SEPTIN2: variants seen among roughly 807,000 people sequenced by gnomAD.
The protein encoded by SEPTIN2 is septin-2.
In SEPTIN2, 34 loss-of-function variants were observed where a neutral mutation model predicts 46.5. The observed-to-expected ratio is 0.73, with a 90% confidence interval of 0.56 to 0.97. The LOEUF (loss-of-function observed/expected upper bound fraction) is 0.97. Among genes scored for constraint, SEPTIN2 ranks in the 50% least tolerant of loss-of-function variants. The probability of loss-of-function intolerance (pLI) is 0.00; values close to 1 mark genes in which losing one functional copy is unlikely to be tolerated. For synonymous variants in SEPTIN2, 175 were observed against 153.4 expected, an observed-to-expected ratio of 1.14 and a Z score of -1.04; for missense variants, 347 against 448.4, an observed-to-expected ratio of 0.77 and a Z score of 2.04.
chr2:241,329,698 G>A (rs1441297924), intron 3 of SEPTIN2, among the ~76,000 whole-genome samples: 8 of 152,208 alleles, frequency 5.3e-5, no homozygotes, highest in African/African-American at 1.2e-4. Context: ...AACCTGATGC[G>A]TCTACCTTAC....
intron 3 of SEPTIN2, among the ~76,000 whole-genome samples, chr2:241,333,218 C>T (rs1228923941): frequency 6.6e-6 from 1 of 151,994 alleles, no homozygotes; most frequent in African/African-American, 2.4e-5. Flanking sequence ...GTATTAATAG[C>T]TCAAGAAAAA....
intron 3 of SEPTIN2, among the ~76,000 whole-genome samples, chr2:241,329,697 C>T (rs1476934520): frequency 3.9e-5 from 6 of 152,208 alleles, no homozygotes; most frequent in Admixed American, 2.0e-4. Flanking sequence ...TAACCTGATG[C>T]GTCTACCTTA....
chr2:241,326,744 C>T (rs927311905), intron 3 of SEPTIN2, among the ~76,000 whole-genome samples: 2 of 152,220 alleles, frequency 1.3e-5, no homozygotes, highest in African/African-American at 4.8e-5. Context: ...GGGAAGCCCA[C>T]CAAGTAAGGA....
chr2:241,316,463 G>A, intron 1 of SEPTIN2: 1 of 1,486,294 alleles, frequency 6.7e-7, no homozygotes, highest in South Asian at 1.3e-5. Flanking sequence ...AAGCCCATCG[G>A]CTGGATGCCG....
chr2:241,353,984 AAACT>A lies in SEPTIN2; in HGVS notation c.*2051_*2054del, dbSNP rs764352607. The stretch of plus-strand genomic sequence containing the variant: ...TTACACAGCAATTTTGTATCCATTT[AAACT>A]AACCTTTTATCAATAAAGCACTATT... On this transcript the variant is annotated 3_prime_UTR_variant, in exon 13 of 13. Coordinates refer to ENST00000391971, the MANE Select transcript of SEPTIN2 (RefSeq NM_004404.5). 23 of 152,424 alleles carry A rather than the reference AAACT, an allele frequency of 1.5e-4. No homozygotes were observed. The highest frequency in any genetic ancestry group is 3.4e-3 in the Middle Eastern group (1 of 294). 9.4% of individuals were successfully genotyped at this position (152,424 alleles called of 1,614,324 possible).
intron 1 of SEPTIN2, among the ~76,000 whole-genome samples, chr2:241,323,898 A>T (rs2077523439): frequency 6.6e-6 from 1 of 152,250 alleles, no homozygotes; most frequent in Non-Finnish European, 1.5e-5. Flanking sequence ...GTAAAGAAGT[A>T]ACAGTCATAA....
chr2:241,350,120 G>A lies in SEPTIN2; in HGVS notation c.1032G>A (p.Gln344=). The A allele has an allele frequency of 6.2e-7, 1 of 1,614,210 alleles. No individual in the cohort carries two copies. Among genetic ancestry groups the A allele is most frequent in the Non-Finnish European group, 8.5e-7 (1 of 1,180,016 alleles). The change falls in exon 12 of 13, where the codon CAG becomes CAA. Residue 344 remains glutamine, a synonymous_variant. Transcript: ENST00000391971. ...EMIARMQAQM[Q]MQMQGGDGDG... is the part of the protein sequence containing the mutation. ...TTGCAAGGATGCAGGCGCAGATGCA[G>A]ATGCAGATGCAGGGCGGGGATGGCG...
chr2:241,324,703 C>G (rs1214939843), intron 2 of SEPTIN2: 1 of 193,936 alleles, frequency 5.2e-6, no homozygotes, highest in South Asian at 7.7e-5. Flanking sequence ...ATCTTAAAAG[C>G]TTGGAGCTTT....
chr2:241,320,408 C>A, intron 1 of SEPTIN2: 1 of 437,488 alleles, frequency 2.3e-6, no homozygotes, highest in Non-Finnish European at 4.7e-6. Flanking sequence ...GGCCATTTTG[C>A]TACATGTAGT....
chr2:241,343,967 A>G (rs1329945759), intron 9 of SEPTIN2, 70 bp downstream of exon 9: 4 of 1,565,558 alleles, frequency 2.6e-6, no homozygotes, highest in East Asian at 2.3e-5. Context: ...CGGGGTGTAC[A>G]CTTGGCCCCC....
chr2:241,351,338 A>T (rs896000696), intron 12 of SEPTIN2: 4 of 152,180 alleles, frequency 2.6e-5, no homozygotes, highest in Admixed American at 2.0e-4. Flanking sequence ...AATGCACAAA[A>T]ATACGTATGT....
In SEPTIN2 at chr2:241,336,120, G is replaced by T; in HGVS notation, c.341+22G>T. 4 of 1,610,632 alleles carry T rather than the reference G, an allele frequency of 2.5e-6. No homozygotes were observed. Among genetic ancestry groups the T allele is most frequent in the Non-Finnish European group, 3.4e-6 (4 of 1,178,174 alleles). ...ATTGGTATGCTCCCCCATGCCCAGG[G>T]ATCTGCATTTGTTTACTTAATATAC... On this transcript the variant is annotated intron_variant, in intron 5 of 12. Transcript: ENST00000391971.
chr2:241,328,824 C>T (rs1405307058), intron 3 of SEPTIN2, among the ~76,000 whole-genome samples: 1 of 151,718 alleles, frequency 6.6e-6, no homozygotes, highest in African/African-American at 2.4e-5. Context: ...AGTTCGAGAC[C>T]AGCCTGACCA....
intron 7 of SEPTIN2, 45 bp from the exon 8 acceptor site, chr2:241,342,947 A>G (rs560382503): frequency 2.0e-6 from 2 of 1,006,414 alleles, no homozygotes; most frequent in South Asian, 1.4e-5. Context: ...CTACAATAAC[A>G]TACGCAGTTT....
chr2:241,322,889 A>C (rs907110263), intron 1 of SEPTIN2, among the ~76,000 whole-genome samples: 5 of 152,304 alleles, frequency 3.3e-5, no homozygotes, highest in African/African-American at 1.2e-4. Flanking sequence ...AGGTCAGGGA[A>C]GTATGTATCC....
chr2:241,346,513 C>G, intron 10 of SEPTIN2: 1 of 210,868 alleles, frequency 4.7e-6, no homozygotes, highest in Non-Finnish European at 9.6e-6. Context: ...CTTGGGAGAC[C>G]AAGGCAAGGT....
At chr2:241,342,604 C>A (rs958293271) in intron 7 of SEPTIN2, among the ~76,000 whole-genome samples, 8 of 133,898 alleles carry the variant, frequency 6.0e-5, no homozygotes, top group Non-Finnish European at 1.2e-4. Flanking sequence ...GCAGTGGTCT[C>A]AGCTCACTGC....
intron 1 of SEPTIN2, chr2:241,317,113 G>A (rs1267439378): frequency 2.0e-5 from 3 of 152,186 alleles, no homozygotes; most frequent in Non-Finnish European, 4.4e-5. Flanking sequence ...CCGTCATAAA[G>A]AAAAACATCA....
At chr2:241,323,585 A>G (rs899436870) in intron 1 of SEPTIN2, among the ~76,000 whole-genome samples, 2 of 152,076 alleles carry the variant, frequency 1.3e-5, no homozygotes, top group Non-Finnish European at 2.9e-5. Flanking sequence ...TTATTTTTGT[A>G]ATGATAGATG....
Sources: allele counts gnomAD v4.1 joint callset (sites outside exome capture counted in the v4.1 genomes callset), GRCh38; gene constraint gnomAD v4.1.1; transcripts MANE v1.5; gene names NCBI Gene and HGNC (gene_info 2026-07-23, HGNC 2026-07-21).